Variants in COLEC11 observed in about 807,000 individuals in gnomAD.
The protein encoded by COLEC11 is collectin-11.
In COLEC11, 20 loss-of-function variants were observed where a neutral mutation model predicts 27.3. That is an observed-to-expected ratio of 0.73 (90% confidence interval 0.51 to 1.06). COLEC11 has a LOEUF of 1.06. Among genes scored for constraint, COLEC11 ranks in the 50% least tolerant of loss-of-function variants. The pLI is 0.00. For missense variants in COLEC11, 310 were observed against 383.0 expected, an observed-to-expected ratio of 0.81 and a Z score of 1.59; for synonymous variants, 163 against 154.7, an observed-to-expected ratio of 1.05 and a Z score of -0.40.
intron 2 of COLEC11, among the ~76,000 whole-genome samples, chr2:3,613,065 G>T (rs932209702): frequency 6.6e-6 from 1 of 152,208 alleles, no homozygotes; most frequent in African/African-American, 2.4e-5. Flanking sequence ...GGGGTAACTG[G>T]TGAGAGAAAC....
chr2:3,613,980 CTTT>C (rs57071680), intron 3 of COLEC11, among the ~76,000 whole-genome samples: 39 of 131,138 alleles, frequency 3.0e-4, no homozygotes, highest in African/African-American at 1.1e-3. Context: ...TTCTTTCTTT[CTTT>C]TTTTTTTTTT....
chr2:3,596,178 G>A lies in COLEC11; in HGVS notation c.-27+1010G>A, dbSNP rs544657163. Among the ~76,000 whole-genome samples, 23 of 152,078 alleles carry A rather than the reference G, an allele frequency of 1.5e-4. 1 individual carries two copies. The highest frequency in any genetic ancestry group is 2.8e-4 in the Non-Finnish European group (19 of 68,022). ...GAAACACCGCGGTGGGGCTGGGGCA[G>A]TCCCCAGTGAGAGGAACCTCCTCAT... On this transcript the variant is annotated intron_variant, in intron 1 of 6. Transcript: ENST00000349077.
chr2:3,632,273 A>G (rs11696038), intron 3 of COLEC11, among the ~76,000 whole-genome samples: 46,654 of 152,072 alleles, frequency 0.31, 10,171 homozygotes, highest in African/African-American at 0.62. Context: ...GGCTCACTGT[A>G]TGACCTGTGG....
chr2:3,637,842 C>T (rs1665546438), intron 4 of COLEC11, among the ~76,000 whole-genome samples: 1 of 152,198 alleles, frequency 6.6e-6, no homozygotes, highest in South Asian at 2.1e-4. Context: ...TTTCACAGCG[C>T]CCCAGGATGG....
At chr2:3,621,036 T>C (rs1177736318) in intron 3 of COLEC11, among the ~76,000 whole-genome samples, 1 of 152,198 alleles carries the variant, frequency 6.6e-6, no homozygotes, top group Non-Finnish European at 1.5e-5. Context: ...CTCTGTTAGC[T>C]CCATTCGGTC....
chr2:3,626,081 T>C, intron 3 of COLEC11: 2 of 1,613,944 alleles, frequency 1.2e-6, no homozygotes, highest in Middle Eastern at 1.6e-4. Context: ...TTTGTAGAAA[T>C]GGGATCACAG....
intron 2 of COLEC11, among the ~76,000 whole-genome samples, chr2:3,611,430 G>A (rs113932758): frequency 3.1e-3 from 469 of 152,332 alleles, no homozygotes; most frequent in African/African-American, 0.011. Flanking sequence ...CACAGTCAGC[G>A]TCCGGCTGCT....
intron 2 of COLEC11, among the ~76,000 whole-genome samples, chr2:3,609,234 T>C (rs1036830868): frequency 2.6e-5 from 4 of 152,250 alleles, no homozygotes; most frequent in Non-Finnish European, 5.9e-5. Context: ...TTTTAATGAC[T>C]TATGATTCTT....
chr2:3,639,277 T>C (rs538175084), intron 4 of COLEC11, among the ~76,000 whole-genome samples: 2 of 152,222 alleles, frequency 1.3e-5, no homozygotes, highest in Non-Finnish European at 2.9e-5. Flanking sequence ...GACTCACACA[T>C]GGGGATGTGT....
intron 3 of COLEC11, among the ~76,000 whole-genome samples, chr2:3,621,470 T>G (rs964414609): frequency 1.3e-5 from 2 of 152,198 alleles, no homozygotes; most frequent in Non-Finnish European, 2.9e-5. Context: ...GGTCTTCTTT[T>G]TATTTATTTA....
At position 3,603,695 on chromosome 2, in the gene COLEC11, G is replaced by A. The variant is rs1020565070; in HGVS notation, c.-26-620G>A. 1.7e-5 allele frequency: 27 copies of A among 1,549,956 alleles called. No individual in the cohort carries two copies. The African/African-American group carries it at 3.1e-4, about 18-fold the overall frequency. ...GTACCCGCCCCTCCTGGGATGGTCA[G>A]ATGTCCATGACACCCCTCTTCCTAT... On this transcript the variant is annotated intron_variant, in intron 1 of 6. Coordinates refer to ENST00000349077, the MANE Select transcript of COLEC11 (RefSeq NM_024027.5).
At position 3,617,821 on chromosome 2, in the gene COLEC11, G is replaced by T. The variant is rs986530960; in HGVS notation, c.202+4439G>T. 10 of 692,396 alleles carry T rather than the reference G, an allele frequency of 1.4e-5. No individual in the cohort carries two copies. The African/African-American group carries it at 1.8e-4, about 12-fold the overall frequency. The allele number at this position is 692,396 out of a possible 1,614,324, so 42.9% of individuals were successfully genotyped here. On this transcript the variant is annotated intron_variant, in intron 3 of 6. Transcript: ENST00000349077. ...TCCATTCCCACCAGCAATGTCTAAG[G>T]GCTCGCCTTTCTCCACATCTTCTCC...
chr2:3,598,524 G>C (rs1191165372), intron 1 of COLEC11, among the ~76,000 whole-genome samples: 2 of 152,248 alleles, frequency 1.3e-5, no homozygotes, highest in East Asian at 1.9e-4. Flanking sequence ...AGCTTGCACA[G>C]ATCACTTGCA....
chr2:3,637,458 C>A, intron 3 of COLEC11, 75 bp from the exon 4 acceptor site: 2 of 1,143,532 alleles, frequency 1.7e-6, no homozygotes, highest in Non-Finnish European at 2.7e-6. Flanking sequence ...TCGGGTTATC[C>A]GTGCACGTGT....
At chr2:3,636,575 A>G (rs1665432211) in intron 3 of COLEC11, among the ~76,000 whole-genome samples, 1 of 152,244 alleles carries the variant, frequency 6.6e-6, no homozygotes, top group Non-Finnish European at 1.5e-5. Context: ...AAGTCCTAAT[A>G]GTGTGTAAAC....
rs774862036 is a variant in COLEC11, at chr2:3,643,578, T to C, written c.424+39T>C. ...GGCGCCGCCCTCGCTCCCTCCCACCTCCCAGCCCTGTCCTGAGCCCCCCGG... is the reference window on the plus strand; with the variant it reads ...GGCGCCGCCCTCGCTCCCTCCCACCCCCCAGCCCTGTCCTGAGCCCCCCGG... On this transcript the variant is annotated intron_variant, in intron 6 of 6. Transcript: ENST00000349077. 5 of 1,600,520 alleles carry C rather than the reference T, an allele frequency of 3.1e-6. No individual in the cohort carries two copies. In the South Asian group the frequency reaches 5.5e-5, roughly 18 times the overall value.
intron 3 of COLEC11, chr2:3,626,024 C>T (rs1039433714): frequency 2.5e-6 from 4 of 1,613,626 alleles, no homozygotes; most frequent in African/African-American, 2.7e-5. Flanking sequence ...CAGTCACAGC[C>T]AGTCGTGACA....
At chr2:3,634,090 C>G (rs991561757) in intron 3 of COLEC11, among the ~76,000 whole-genome samples, 1 of 152,176 alleles carries the variant, frequency 6.6e-6, no homozygotes, top group African/African-American at 2.4e-5. Context: ...ATACCAGCAC[C>G]TTGGGGTCAC....
chr2:3,612,707 C>T (rs1663313651), intron 2 of COLEC11, among the ~76,000 whole-genome samples: 1 of 152,078 alleles, frequency 6.6e-6, no homozygotes, highest in African/African-American at 2.4e-5. Context: ...TGAACTGTGC[C>T]TTGTAGGGTG....
Sources: allele counts gnomAD v4.1 joint callset (sites outside exome capture counted in the v4.1 genomes callset), GRCh38; gene constraint gnomAD v4.1.1; transcripts MANE v1.5; gene names NCBI Gene and HGNC (gene_info 2026-07-23, HGNC 2026-07-21).